The following EMP2 variants were observed in gnomAD, a reference collection of about 807,000 sequenced individuals.
EMP2 encodes epithelial membrane protein 2.
EMP2 carries 19 observed loss-of-function variants against 13.7 expected under a neutral mutation model. The ratio of observed to expected loss-of-function variants is 1.38; its 90% CI spans 0.97 to 2.03. The LOEUF is 2.03. Among genes scored for constraint, EMP2 ranks in the 30% most tolerant of loss-of-function variants. The pLI is 0.00. For missense variants in EMP2, 253 were observed against 220.7 expected (o/e 1.15, Z -0.93); for synonymous variants, 97 against 84.7 (o/e 1.15, Z -0.80).
rs1045955639 is a variant in EMP2 at position 10,532,839 on chromosome 16, T to C, written c.*66A>G. On this transcript the variant is annotated 3_prime_UTR_variant, in exon 5 of 5. Coordinates refer to ENST00000359543, the MANE Select transcript of EMP2 (RefSeq NM_001424.6). Reference sequence around the variant, plus strand: ...TAGAAAAACCTCAAAAAATAATGATTATATACAAAATGGTTATCTGAATGT... The same window carrying C: ...TAGAAAAACCTCAAAAAATAATGATCATATACAAAATGGTTATCTGAATGT... The C allele has an allele frequency of 1.4e-5, 15 of 1,098,180 alleles. 1 individual carries two copies. In the Admixed American group the frequency reaches 5.1e-4, roughly 37 times the overall value. The allele number at this position is 1,098,180 out of a possible 1,614,324, so 68.0% of individuals were successfully genotyped here.
intron 1 of EMP2, among the ~76,000 whole-genome samples, chr16:10,548,993 G>A (rs2050761310): frequency 6.6e-6 from 1 of 152,220 alleles, no homozygotes; most frequent in South Asian, 2.1e-4. Flanking sequence ...CAATGGGCCA[G>A]AACTGCATGA....
rs1259088145 is a variant in EMP2, at chr16:10,547,662, C to A, written c.-45G>T. The A allele has an allele frequency of 6.3e-7, 1 of 1,593,668 alleles. No individual in the cohort carries two copies. The highest frequency in any genetic ancestry group is 1.1e-5 in the South Asian group (1 of 90,288). On this transcript the variant is annotated 5_prime_UTR_variant, in exon 2 of 5. Coordinates refer to ENST00000359543, the MANE Select transcript of EMP2 (RefSeq NM_001424.6). ...TCGAGGCGAGGGGTCACGTTTAAAG[C>A]CCAGAGCGGGATGTGCTGAAGAGGG...
At chr16:10,558,604 G>A (rs536271049) in intron 1 of EMP2, among the ~76,000 whole-genome samples, 18 of 152,158 alleles carry the variant, frequency 1.2e-4, no homozygotes, top group Middle Eastern at 6.8e-3. Context: ...GCTGTTGCTC[G>A]TGGAAAGTCA....
intron 1 of EMP2, among the ~76,000 whole-genome samples, chr16:10,561,497 G>A (rs909683857): frequency 3.3e-5 from 5 of 152,098 alleles, no homozygotes; most frequent in Non-Finnish European, 5.9e-5. Context: ...GCACAGAGGT[G>A]GGAGGGCAAC....
At chr16:10,570,756 G>C (rs932825594) in intron 1 of EMP2, among the ~76,000 whole-genome samples, 8 of 152,006 alleles carry the variant, frequency 5.3e-5, no homozygotes, top group African/African-American at 1.9e-4. Context: ...GCCCAGGCTG[G>C]TCTCAAACTC....
chr16:10,549,052 A>G (rs904262751), intron 1 of EMP2, among the ~76,000 whole-genome samples: 1 of 152,218 alleles, frequency 6.6e-6, no homozygotes, highest in Non-Finnish European at 1.5e-5. Flanking sequence ...TGAGTTCTCC[A>G]TGCTCCCTCT....
rs369679323 is a variant in EMP2, at chr16:10,567,851, T to C, written c.-61+12698A>G. Among the ~76,000 whole-genome samples the C allele has an allele frequency of 2.2e-4, 34 of 152,292 alleles. 1 individual carries two copies. In the South Asian group the frequency reaches 6.0e-3, roughly 27 times the overall value. On this transcript the variant is annotated intron_variant, in intron 1 of 4. Transcript: ENST00000359543. ...GGGGGAAATGGAAGAATTGAGGCAT[T>C]GGAGATAGTCTCCACCAGAATATTG...
chr16:10,566,525 G>A (rs377621424), intron 1 of EMP2, among the ~76,000 whole-genome samples: 13 of 152,152 alleles, frequency 8.5e-5, no homozygotes, highest in East Asian at 7.7e-4. Context: ...AAAGGGAATC[G>A]CTTTCCCACC....
At chr16:10,537,887 C>G (rs748004240) in intron 4 of EMP2, 41 bp downstream of exon 4, 4 of 1,604,334 alleles carry the variant, frequency 2.5e-6, no homozygotes, top group Non-Finnish European at 3.4e-6. Flanking sequence ...AGTGCTTATT[C>G]CAGAAAGCCC....
At chr16:10,550,832 G>A (rs1419271223) in intron 1 of EMP2, among the ~76,000 whole-genome samples, 8 of 152,010 alleles carry the variant, frequency 5.3e-5, no homozygotes, top group East Asian at 1.9e-4. Flanking sequence ...AAAATTAGCC[G>A]GGCGTGGTGG....
intron 1 of EMP2, among the ~76,000 whole-genome samples, chr16:10,560,837 C>T (rs541727197): frequency 9.2e-5 from 14 of 152,242 alleles, no homozygotes; most frequent in South Asian, 2.1e-4. Flanking sequence ...TAGGAGAGCA[C>T]GTTCCGGGCT....
In EMP2 at chr16:10,576,085, T is replaced by G. The variant is rs559285533; in HGVS notation, c.-61+4464A>C. On this transcript the variant is annotated intron_variant, in intron 1 of 4. Coordinates refer to ENST00000359543, the MANE Select transcript of EMP2 (RefSeq NM_001424.6). ...ACTAAATTCTTTGAGTATCTTAAAA[T>G]GTTTTAAAGTTTACAGGATCAACTT... 3.5e-4 allele frequency among the ~76,000 whole-genome samples: 54 copies of G among 152,152 alleles called. 1 individual carries two copies. Among genetic ancestry groups the G allele is most frequent in the Non-Finnish European group, 4.3e-4 (29 of 68,020 alleles).
intron 1 of EMP2, among the ~76,000 whole-genome samples, chr16:10,578,403 A>T (rs930706633): frequency 1.3e-5 from 2 of 152,234 alleles, no homozygotes; most frequent in Non-Finnish European, 2.9e-5. Flanking sequence ...TTTAAGTGCC[A>T]TTACTGGGGT....
At chr16:10,573,752 T>C (rs948419336) in intron 1 of EMP2, among the ~76,000 whole-genome samples, 5 of 152,214 alleles carry the variant, frequency 3.3e-5, no homozygotes, top group African/African-American at 9.7e-5. Context: ...CCTACTCCGA[T>C]GTCTCCTTCC....
intron 1 of EMP2, among the ~76,000 whole-genome samples, chr16:10,554,855 C>T (rs1001423015): frequency 2.5e-4 from 38 of 152,144 alleles, no homozygotes; most frequent in Non-Finnish European, 1.3e-4. Flanking sequence ...CAAACATCAT[C>T]TCCCCAGAAA....
chr16:10,573,001 C>A (rs2050958246), intron 1 of EMP2, among the ~76,000 whole-genome samples: 1 of 152,198 alleles, frequency 6.6e-6, no homozygotes, highest in African/African-American at 2.4e-5. Flanking sequence ...GAAACAGAAC[C>A]CTCACTTCAC....
At chr16:10,557,356 C>CAA (rs71402497) in intron 1 of EMP2, among the ~76,000 whole-genome samples, 1,136 of 107,508 alleles carry the variant, frequency 0.011, 10 homozygotes, top group Middle Eastern at 0.02. Context: ...GACTCCATCT[C>CAA]AAAAAAAAAA....
intron 1 of EMP2, among the ~76,000 whole-genome samples, chr16:10,571,407 C>T (rs1031496549): frequency 6.6e-6 from 1 of 152,020 alleles, no homozygotes; most frequent in African/African-American, 2.4e-5. Context: ...CACCTTAAAC[C>T]CCTGTGCCCT....
rs1221431144 is a variant in EMP2, at chr16:10,529,291, C to T, written c.*3614G>A. 1.3e-5 allele frequency: 2 copies of T among 152,212 alleles called. No individual in the cohort carries two copies. The highest frequency in any genetic ancestry group is 2.9e-5 in the Non-Finnish European group (2 of 68,046). 9.4% of individuals were successfully genotyped at this position (152,212 alleles called of 1,614,324 possible). On this transcript the variant is annotated 3_prime_UTR_variant, in exon 5 of 5. Coordinates refer to ENST00000359543, the MANE Select transcript of EMP2 (RefSeq NM_001424.6). The stretch of plus-strand genomic sequence containing the variant: ...TGTTGTTGTTATTGTTCTTGAATAA[C>T]TGGTAATAAGCACCAAGTGAGGGCT...
Sources: gnomAD v4.1 joint callset for allele counts (sites outside exome capture counted in the v4.1 genomes callset) on GRCh38, gnomAD v4.1.1 for gene constraint, MANE v1.5 for transcripts, NCBI Gene and HGNC (gene_info 2026-07-23, HGNC 2026-07-21) for gene names.